Variants in ITGA8 observed in about 807,000 individuals in gnomAD.
ITGA8 encodes the protein integrin alpha-8.
In ITGA8, 91 loss-of-function variants were observed where a neutral mutation model predicts 142.3. The observed-to-expected ratio is 0.64, with a 90% CI of 0.54 to 0.76. The LOEUF (loss-of-function observed/expected upper bound fraction) is 0.76, where lower values mean the gene tolerates loss of function less well. Ranked by LOEUF, ITGA8 falls within the 30% of genes least tolerant of loss-of-function variation. The pLI is 0.00. For missense variants in ITGA8, 1,406 were observed against 1,327.7 expected (o/e 1.06, Z -0.92); for synonymous variants, 505 against 485.2 (o/e 1.04, Z -0.54).
At chr10:15,558,938 C>G (rs968886538) in intron 25 of ITGA8, among the ~76,000 whole-genome samples, 7 of 152,158 alleles carry the variant, frequency 4.6e-5, no homozygotes, top group African/African-American at 1.7e-4. Context: ...TTTAGACCCA[C>G]TGAATACAAA....
chr10:15,561,235 GTATATATATATATATA>G (rs796194795), intron 25 of ITGA8, among the ~76,000 whole-genome samples: 2 of 101,578 alleles, frequency 2.0e-5, no homozygotes, highest in African/African-American at 3.1e-5. Flanking sequence ...ATATATATAT[GTATATATATATATATA>G]TATGTATGTA....
chr10:15,635,804 A>G (rs971711366), intron 13 of ITGA8, among the ~76,000 whole-genome samples: 1 of 152,132 alleles, frequency 6.6e-6, no homozygotes, highest in Non-Finnish European at 1.5e-5. Context: ...ACCTAGTTCA[A>G]CTGAACTTCA....
intron 6 of ITGA8, among the ~76,000 whole-genome samples, chr10:15,676,261 A>G (rs770295142): frequency 6.6e-6 from 1 of 152,124 alleles, no homozygotes; most frequent in East Asian, 1.9e-4. Context: ...TTGCTTTCCA[A>G]GTTAACTTTG....
At chr10:15,714,413 G>A (rs899013479) in intron 2 of ITGA8, among the ~76,000 whole-genome samples, 3 of 152,204 alleles carry the variant, frequency 2.0e-5, no homozygotes, top group African/African-American at 4.8e-5. Flanking sequence ...TGAGACAAAA[G>A]TGAAAGAAAC....
intron 27 of ITGA8, 56 bp downstream of exon 27, chr10:15,548,399 T>G: frequency 8.1e-7 from 1 of 1,234,728 alleles, no homozygotes; most frequent in Middle Eastern, 2.3e-4. Flanking sequence ...CCACTGAGCT[T>G]TTGTGAAGCA....
At chr10:15,691,960 A>G (rs961402183) in intron 2 of ITGA8, among the ~76,000 whole-genome samples, 2 of 152,292 alleles carry the variant, frequency 1.3e-5, no homozygotes, top group Admixed American at 6.5e-5. Context: ...TTTTTGAGAC[A>G]GGGTCTCACT....
rs139010018 is a variant in ITGA8 at position 15,572,336 on chromosome 10, T to C, written c.2512A>G (p.Thr838Ala). 126 of 1,614,084 alleles carry C rather than the reference T, an allele frequency of 7.8e-5. No homozygotes were observed. In the African/African-American group the frequency reaches 1.6e-3, roughly 20 times the overall value. ...AAAGGCCAGCCCACCTCCAGGATGG[T>C]GTCACTGATGGTACTTGGTCCAATA... The part of the protein sequence containing the change: ...HNIGPSTISD[T>A]ILEVGWPFSA... Residue 838 changes from threonine (T) to alanine (A), a missense_variant, in exon 25 of 30, where the codon ACC becomes GCC. Transcript: ENST00000378076.
chr10:15,543,669 A>G (rs889656854), intron 27 of ITGA8, among the ~76,000 whole-genome samples: 6 of 152,220 alleles, frequency 3.9e-5, no homozygotes, highest in African/African-American at 7.2e-5. Context: ...AATTGGTGCA[A>G]TACTGTAGCA....
At chr10:15,682,328 C>T (rs369740654) in intron 4 of ITGA8, among the ~76,000 whole-genome samples, 3 of 152,254 alleles carry the variant, frequency 2.0e-5, no homozygotes, top group East Asian at 3.9e-4. Flanking sequence ...TAGTTTACTG[C>T]TCAATGTGTG....
chr10:15,692,301 T>C lies in ITGA8; in HGVS notation c.344-4263A>G, dbSNP rs553621755. The stretch of plus-strand genomic sequence containing the variant: ...TTTCATATAGAGGGGGATTTCTCTT[T>C]GTTTAAGTCTAAGAGCATGACTCCC... On this transcript the variant is annotated intron_variant, in intron 2 of 29. Coordinates refer to ENST00000378076, the MANE Select transcript of ITGA8 (RefSeq NM_003638.3). Among the ~76,000 whole-genome samples, 129 of 152,318 alleles carry C rather than the reference T, an allele frequency of 8.5e-4. 3 individuals are homozygous for C. The South Asian group carries it at 0.026, about 31-fold the overall frequency.
chr10:15,693,870 G>T, intron 2 of ITGA8, among the ~76,000 whole-genome samples: 1 of 151,494 alleles, frequency 6.6e-6, no homozygotes, highest in South Asian at 2.1e-4. Flanking sequence ...AGGTCCATAG[G>T]TTTTTTTTCT....
chr10:15,698,703 A>G lies in ITGA8; in HGVS notation c.344-10665T>C, dbSNP rs185028936. The stretch of plus-strand genomic sequence containing the variant: ...TTACCTATGCTTCTTGGCCATTTGT[A>G]TATCTTCTTTTGAGAATTGTCTGTT... On this transcript the variant is annotated intron_variant, in intron 2 of 29. Transcript: ENST00000378076. 2.0e-3 allele frequency among the ~76,000 whole-genome samples: 312 copies of G among 152,196 alleles called. 3 individuals carry two copies. The highest frequency in any genetic ancestry group is 0.02 in the East Asian group (106 of 5,176).
At chr10:15,601,610 T>G (rs1833106107) in intron 20 of ITGA8, among the ~76,000 whole-genome samples, 1 of 152,204 alleles carries the variant, frequency 6.6e-6, no homozygotes, top group Non-Finnish European at 1.5e-5. Flanking sequence ...ATGATGATGA[T>G]GATGATGATA....
chr10:15,583,993 T>C (rs570612699), intron 23 of ITGA8, among the ~76,000 whole-genome samples: 22 of 152,310 alleles, frequency 1.4e-4, no homozygotes, highest in African/African-American at 5.3e-4. Flanking sequence ...TCAACTCTTT[T>C]AGTAGCACTA....
At chr10:15,535,042 G>A (rs1277487640) in intron 27 of ITGA8, among the ~76,000 whole-genome samples, 3 of 152,158 alleles carry the variant, frequency 2.0e-5, no homozygotes, top group South Asian at 2.1e-4. Flanking sequence ...TGTGAGTTCC[G>A]CGGGTGAGTG....
In ITGA8 at chr10:15,646,878, T is replaced by G. The variant is rs139249793; in HGVS notation, c.1175A>C (p.His392Pro). Reference sequence around the variant, plus strand: ...TCCATCTTGGTTCAGGTCTCCTAAGTGTGCCATAGCACTACCGAATCTCCC... The same window carrying G: ...TCCATCTTGGTTCAGGTCTCCTAAGGGTGCCATAGCACTACCGAATCTCCC... ...TFGRFGSAMA[H>P]LGDLNQDGYN... Residue 392 changes from histidine (H) to proline (P), a missense_variant, in exon 12 of 30, where the codon CAC becomes CCC. Physicochemically the swap from His to Pro is moderately conservative, Grantham distance 77. Transcript: ENST00000378076. 20 of 1,614,014 alleles carry G rather than the reference T, an allele frequency of 1.2e-5. No homozygotes were observed. The highest frequency in any genetic ancestry group is 1.6e-5 in the Non-Finnish European group (19 of 1,180,032).
chr10:15,540,389 T>C (rs1057507674), intron 27 of ITGA8, among the ~76,000 whole-genome samples: 1 of 152,218 alleles, frequency 6.6e-6, no homozygotes, highest in East Asian at 1.9e-4. Flanking sequence ...GAACATGTGA[T>C]ATTTGTCTTT....
Position 15,607,557 on chromosome 10 carries a change from T to C in ITGA8, c.1764+120A>G, listed in dbSNP as rs1170741930. The C allele has an allele frequency of 5.0e-5, 47 of 944,518 alleles. No homozygotes were observed. In the East Asian group the frequency reaches 8.7e-4, roughly 17 times the overall value. 58.5% of individuals were successfully genotyped at this position (944,518 alleles called of 1,614,324 possible). ...GACCCTAAAATAAAGTTTCCTGCTA[T>C]GAAAATGAAAACAGACAGATGGGGG... On this transcript the variant is annotated intron_variant, in intron 17 of 29. Coordinates refer to ENST00000378076, the MANE Select transcript of ITGA8 (RefSeq NM_003638.3).
intron 13 of ITGA8, among the ~76,000 whole-genome samples, chr10:15,637,385 A>G (rs1833789758): frequency 6.6e-6 from 1 of 152,204 alleles, no homozygotes. Context: ...CCATCATACC[A>G]GATAAAGAAA....
Sources: allele counts gnomAD v4.1 joint callset (sites outside exome capture counted in the v4.1 genomes callset), GRCh38; gene constraint gnomAD v4.1.1; transcripts MANE v1.5; gene names NCBI Gene and HGNC (gene_info 2026-07-23, HGNC 2026-07-21).